AKR1D1: variants seen among roughly 807,000 people sequenced by gnomAD.
The protein encoded by AKR1D1 is delta(4)-3-ketosteroid 5-beta-reductase.
In AKR1D1, 32 loss-of-function variants were observed where a neutral mutation model predicts 42.6. That is an observed-to-expected ratio of 0.75 (90% CI 0.57 to 1.01). The LOEUF is 1.01. AKR1D1 is among the 50% of genes least tolerant of loss of function. The pLI, the probability that AKR1D1 is intolerant of heterozygous loss-of-function variation, is 0.00. For missense variants in AKR1D1, 364 were observed against 402.2 expected (o/e 0.91, Z 0.81); for synonymous variants, 123 against 135.5 (o/e 0.91, Z 0.64).
At chr7:138,098,776 G>C (rs1431546373) in intron 4 of AKR1D1, among the ~76,000 whole-genome samples, 2 of 152,050 alleles carry the variant, frequency 1.3e-5, no homozygotes, top group Non-Finnish European at 2.9e-5. Context: ...TGTTTGCTTA[G>C]AGGTGGTGTG....
chr7:138,100,554 T>A (rs1794279945), intron 4 of AKR1D1, among the ~76,000 whole-genome samples: 2 of 151,864 alleles, frequency 1.3e-5, no homozygotes, highest in South Asian at 4.2e-4. Flanking sequence ...GAGTATTACA[T>A]GGGATAAAGA....
intron 7 of AKR1D1, among the ~76,000 whole-genome samples, chr7:138,112,936 G>A (rs900419491): frequency 1.3e-5 from 2 of 151,768 alleles, no homozygotes; most frequent in Non-Finnish European, 2.9e-5. Context: ...GAATAAAAAG[G>A]TAGAAGAGAC....
intron 2 of AKR1D1, among the ~76,000 whole-genome samples, chr7:138,090,184 A>G (rs10954602): frequency 0.77 from 117,261 of 151,988 alleles, 45,712 homozygotes; most frequent in African/African-American, 0.88. Flanking sequence ...AACACCAAAG[A>G]GACCCAGAGT....
chr7:138,100,941 T>C (rs1794295595), intron 4 of AKR1D1, among the ~76,000 whole-genome samples: 3 of 152,020 alleles, frequency 2.0e-5, no homozygotes, highest in South Asian at 4.1e-4. Flanking sequence ...CCTGACCTTG[T>C]GATCCACCCT....
chr7:138,114,409 CA>C lies in AKR1D1; in HGVS notation c.938+639del, dbSNP rs561566303. ...TTTGGCCAGGCGTGGTGGCTCACGC[CA>C]ATACTTTGGGAGGCTAAGGTGGGCG... On this transcript the variant is annotated intron_variant, in intron 8 of 8. Coordinates refer to ENST00000242375, the MANE Select transcript of AKR1D1 (RefSeq NM_005989.4). Among the ~76,000 whole-genome samples, 6 of 152,122 alleles carry C rather than the reference CA, an allele frequency of 3.9e-5. No homozygotes were observed. In the South Asian group the frequency reaches 1.2e-3, roughly 32 times the overall value.
chr7:138,099,716 A>G (rs918171965), intron 4 of AKR1D1, among the ~76,000 whole-genome samples: 2 of 151,936 alleles, frequency 1.3e-5, no homozygotes, highest in African/African-American at 4.8e-5. Context: ...AAAAGGAAAC[A>G]AGAAGGTGGG....
At position 138,086,102 on chromosome 7, in the gene AKR1D1, C is replaced by T. The variant is rs186385515; in HGVS notation, c.94-2499C>T. ...CCTGTAGTCCCACTTACTCGGGAGG[C>T]TGAGGTGGAAGAATCACTTGAATCT... On this transcript the variant is annotated intron_variant, in intron 1 of 8. Transcript: ENST00000242375. Among the ~76,000 whole-genome samples, 368 of 152,154 alleles carry T rather than the reference C, an allele frequency of 2.4e-3. 1 individual carries two copies. The highest frequency in any genetic ancestry group is 8.4e-3 in the African/African-American group (348 of 41,514).
intron 5 of AKR1D1, 42 bp downstream of exon 5, chr7:138,105,471 C>T (rs758131085): frequency 6.2e-7 from 1 of 1,612,386 alleles, no homozygotes; most frequent in Admixed American, 1.7e-5. Flanking sequence ...GGAGTGGGGG[C>T]AGGATTTACA....
At chr7:138,077,029 A>G (rs921890538) in intron 1 of AKR1D1, among the ~76,000 whole-genome samples, 1 of 152,186 alleles carries the variant, frequency 6.6e-6, no homozygotes, top group East Asian at 1.9e-4. Flanking sequence ...TATATGAGGA[A>G]AACAATGTCT....
In AKR1D1 at chr7:138,118,128, G is replaced by C. The variant is rs967616198; in HGVS notation, c.*1466G>C. ...CAAAAATTATGTTTTCCCAAGATCA[G>C]TTGCTTATAGATAATGTTCAATGAC... On this transcript the variant is annotated 3_prime_UTR_variant, in exon 9 of 9. Transcript: ENST00000242375. 1 of 152,186 alleles carries C rather than the reference G, an allele frequency of 6.6e-6. No individual in the cohort carries two copies. Among genetic ancestry groups the C allele is most frequent in the Non-Finnish European group, 1.5e-5 (1 of 68,034 alleles). The allele number at this position is 152,186 out of a possible 1,614,324, so 9.4% of individuals were successfully genotyped here.
rs1296158158 is a variant in AKR1D1, at chr7:138,117,389, T to C, written c.*727T>C. On this transcript the variant is annotated 3_prime_UTR_variant, in exon 9 of 9. Transcript: ENST00000242375. ...CATCTTACTGTCAATCTTGCCTACA[T>C]TGATTATAGAACCACTATTACGTGA... 3 of 152,594 alleles carry C rather than the reference T, an allele frequency of 2.0e-5. No individual in the cohort carries two copies. Among genetic ancestry groups the C allele is most frequent in the African/African-American group, 4.8e-5 (2 of 41,438 alleles). 9.5% of individuals were successfully genotyped at this position (152,594 alleles called of 1,614,324 possible). A position where few individuals can be genotyped will look rare whatever the true frequency, so the allele number is the denominator to read the frequency against.
intron 3 of AKR1D1, 88 bp from the exon 4 acceptor site, chr7:138,097,778 T>C: frequency 9.2e-7 from 1 of 1,087,634 alleles, no homozygotes; most frequent in South Asian, 1.4e-5. Context: ...TGCTCACAAT[T>C]ATGAAGACTG....
At chr7:138,096,318 G>A (rs190961987) in intron 3 of AKR1D1, among the ~76,000 whole-genome samples, 3 of 152,218 alleles carry the variant, frequency 2.0e-5, no homozygotes, top group East Asian at 1.9e-4. Context: ...AAACAGAAAT[G>A]TATTGGCTCA....
In AKR1D1 at chr7:138,100,258, A is replaced by T. The variant is rs1794270437; in HGVS notation, c.456+2315A>T. 2.0e-5 allele frequency among the ~76,000 whole-genome samples: 3 copies of T among 152,212 alleles called. No individual in the cohort carries two copies. The South Asian group carries it at 6.2e-4, about 32-fold the overall frequency. Reference sequence around the variant, plus strand: ...GCAATAAACAGATGAGAAAAGTAGCAAATAAAGGGCAAGATGGGAGATTTA... The same window carrying T: ...GCAATAAACAGATGAGAAAAGTAGCTAATAAAGGGCAAGATGGGAGATTTA... On this transcript the variant is annotated intron_variant, in intron 4 of 8. Coordinates refer to ENST00000242375, the MANE Select transcript of AKR1D1 (RefSeq NM_005989.4).
chr7:138,086,122 G>A (rs2117422363), intron 1 of AKR1D1, among the ~76,000 whole-genome samples: 1 of 152,186 alleles, frequency 6.6e-6, no homozygotes, highest in Middle Eastern at 3.4e-3. Flanking sequence ...AGAATCACTT[G>A]AATCTGGGAA....
chr7:138,102,132 A>G (rs1289094445), intron 4 of AKR1D1, among the ~76,000 whole-genome samples: 2 of 152,206 alleles, frequency 1.3e-5, no homozygotes, highest in East Asian at 1.9e-4. Context: ...AATCACTTGA[A>G]CCTGAGAGGC....
chr7:138,091,941 G>A (rs1794091894), intron 3 of AKR1D1, 57 bp downstream of exon 3: 1 of 1,037,884 alleles, frequency 9.6e-7, no homozygotes, highest in Non-Finnish European at 1.5e-6. Context: ...TGAGCCAATA[G>A]CTATGTGCAT....
At chr7:138,085,054 CAAAAAAAA>C (rs58253168) in intron 1 of AKR1D1, among the ~76,000 whole-genome samples, 1 of 70,824 alleles carries the variant, frequency 1.4e-5, no homozygotes, top group Non-Finnish European at 2.4e-5. Flanking sequence ...GACTCCGTCT[CAAAAAAAA>C]AAAAAAAAAA....
Position 138,109,566 on chromosome 7 carries a change from T to C in AKR1D1, c.855+1986T>C, listed in dbSNP as rs147033908. Among the ~76,000 whole-genome samples, 608 of 152,318 alleles carry C rather than the reference T, an allele frequency of 4.0e-3. 4 individuals carry two copies. Among genetic ancestry groups the C allele is most frequent in the African/African-American group, 0.014 (578 of 41,568 alleles). On this transcript the variant is annotated intron_variant, in intron 7 of 8. Coordinates refer to ENST00000242375, the MANE Select transcript of AKR1D1 (RefSeq NM_005989.4). ...GTAGGATACCCTGACCCCAGGGCTA[T>C]ATCCCTATTCCTGTGCTGAAGAAGT...
Sources: gnomAD v4.1 joint callset for allele counts (sites outside exome capture counted in the v4.1 genomes callset) on GRCh38, gnomAD v4.1.1 for gene constraint, MANE v1.5 for transcripts, NCBI Gene and HGNC (gene_info 2026-07-23, HGNC 2026-07-21) for gene names.